Variants in MYMX observed in about 807,000 individuals in gnomAD.
MYMX encodes the protein protein myomixer.
At chr6:44,194,529 T>G in the MYMX span, among the ~76,000 whole-genome samples, 2 of 152,116 alleles carry the variant, frequency 1.3e-5, no homozygotes, top group African/African-American at 4.8e-5. Flanking sequence ...CCTGTTCCAC[T>G]CCCTTGATGG....
In MYMX at chr6:44,218,052, A is replaced by C; in HGVS notation, c.*326A>C. On this transcript the variant is annotated 3_prime_UTR_variant, in exon 2 of 2. Transcript: ENST00000573382. ...TGCCCTCCCTGCAAATGGGAACATC[A>C]AGGTTCCCAGTGCTTAACTGAGGGA... is the stretch of plus-strand genomic sequence containing the variant. 1 of 229,874 alleles carries C rather than the reference A, an allele frequency of 4.4e-6. No individual in the cohort carries two copies. The allele number at this position is 229,874 out of a possible 1,614,324, so 14.2% of individuals were successfully genotyped here.
chr6:44,211,823 T>TGTGTGTGTGTG, the MYMX span, among the ~76,000 whole-genome samples: 33 of 150,582 alleles, frequency 2.2e-4, no homozygotes, highest in South Asian at 6.3e-4. Flanking sequence ...TGTGTGTGTG[T>TGTGTGTGTGTG]TTAGTAGAGA....
upstream of MYMX, among the ~76,000 whole-genome samples, chr6:44,212,177 G>A (rs964855034): frequency 2.6e-5 from 4 of 151,932 alleles, no homozygotes; most frequent in Non-Finnish European, 4.4e-5. Context: ...GGGCTGAGGC[G>A]GGAGGGTCAC....
the MYMX span, among the ~76,000 whole-genome samples, chr6:44,194,300 A>G: frequency 6.6e-6 from 1 of 152,090 alleles, no homozygotes; most frequent in African/African-American, 2.4e-5. Flanking sequence ...TATTTCCAGA[A>G]CTCTCTTATT....
chr6:44,202,442 TC>T, the MYMX span, among the ~76,000 whole-genome samples: 1 of 151,480 alleles, frequency 6.6e-6, no homozygotes, highest in Non-Finnish European at 1.5e-5. Context: ...TTTTTTTTTT[TC>T]AATTGACCTT....
At position 44,217,805 on chromosome 6, in the gene MYMX, G is replaced by A. The variant is rs563710094; in HGVS notation, c.*79G>A. On this transcript the variant is annotated 3_prime_UTR_variant, in exon 2 of 2. Coordinates refer to ENST00000573382, the MANE Select transcript of MYMX (RefSeq NM_001315494.2). ...GATAATCCTGGCACCAGCACTGACC[G>A]AAGCCTGCCCAGTGGACAGAAGATA... The A allele has an allele frequency of 4.0e-5, 16 of 400,456 alleles. No individual in the cohort carries two copies. Among genetic ancestry groups the A allele is most frequent in the Non-Finnish European group, 6.2e-5 (14 of 226,274 alleles). 24.8% of individuals were successfully genotyped at this position (400,456 alleles called of 1,614,324 possible). A position where few individuals can be genotyped will look rare whatever the true frequency, so the allele number is the denominator to read the frequency against.
chr6:44,210,271 ATGTTT>A, the MYMX span, among the ~76,000 whole-genome samples: 16 of 148,792 alleles, frequency 1.1e-4, no homozygotes, highest in African/African-American at 1.5e-4. Context: ...AACAGTAATC[ATGTTT>A]TGTTTTGTTT....
At chr6:44,202,688 G>A in the MYMX span, among the ~76,000 whole-genome samples, 1 of 152,144 alleles carries the variant, frequency 6.6e-6, no homozygotes. Context: ...AGGCAAGGGA[G>A]GTGGGGTGGA....
chr6:44,207,625 C>T, the MYMX span, among the ~76,000 whole-genome samples: 2 of 152,112 alleles, frequency 1.3e-5, no homozygotes, highest in South Asian at 2.1e-4. Flanking sequence ...CTCCACCTCC[C>T]GGGTTCAAGC....
chr6:44,193,045 G>A, the MYMX span, among the ~76,000 whole-genome samples: 1 of 152,082 alleles, frequency 6.6e-6, no homozygotes, highest in African/African-American at 2.4e-5. Context: ...CAGGTCTGAT[G>A]CACAAACTTT....
At chr6:44,194,404 A>C in the MYMX span, among the ~76,000 whole-genome samples, 1 of 152,152 alleles carries the variant, frequency 6.6e-6, no homozygotes, top group Admixed American at 6.5e-5. Flanking sequence ...TGATAAGCAG[A>C]GCTCCGCTGG....
the MYMX span, among the ~76,000 whole-genome samples, chr6:44,195,028 A>T: frequency 6.6e-5 from 10 of 151,516 alleles, no homozygotes; most frequent in African/African-American, 2.2e-4. Context: ...TATTATTATT[A>T]TTTTTAAGAC....
the MYMX span, among the ~76,000 whole-genome samples, chr6:44,207,897 G>T: frequency 6.6e-6 from 1 of 152,064 alleles, no homozygotes; most frequent in African/African-American, 2.4e-5. Context: ...TTATTGGTTC[G>T]AGTCACTTCT....
chr6:44,214,159 C>A (rs1487438688), upstream of MYMX, among the ~76,000 whole-genome samples: 1 of 152,080 alleles, frequency 6.6e-6, no homozygotes, highest in Admixed American at 6.6e-5. Context: ...ATCATTCAGG[C>A]CACTGTGTGG....
chr6:44,213,580 C>G (rs924646988), upstream of MYMX, among the ~76,000 whole-genome samples: 1 of 151,508 alleles, frequency 6.6e-6, no homozygotes, highest in Non-Finnish European at 1.5e-5. Flanking sequence ...TGCCACCACG[C>G]CCAGCTAATT....
chr6:44,196,134 G>C, the MYMX span, among the ~76,000 whole-genome samples: 4 of 152,026 alleles, frequency 2.6e-5, no homozygotes, highest in South Asian at 2.1e-4. Context: ...GTAGAGACAG[G>C]GTTTCACTAT....
the MYMX span, among the ~76,000 whole-genome samples, chr6:44,201,224 GT>G: frequency 6.6e-6 from 1 of 152,156 alleles, no homozygotes; most frequent in Non-Finnish European, 1.5e-5. Context: ...CAGGTAGGTG[GT>G]TTCTGGCCTG....
the MYMX span, among the ~76,000 whole-genome samples, chr6:44,195,072 G>A: frequency 6.6e-6 from 1 of 151,936 alleles, no homozygotes; most frequent in Non-Finnish European, 1.5e-5. Flanking sequence ...CTGGAGTGCA[G>A]TGGCACAAGC....
the MYMX span, among the ~76,000 whole-genome samples, chr6:44,196,587 G>A: frequency 1.3e-5 from 2 of 152,140 alleles, no homozygotes; most frequent in African/African-American, 4.8e-5. Flanking sequence ...GCTGAGGCAC[G>A]AGAATCACTT....
Sources: gnomAD v4.1 joint callset for allele counts (sites outside exome capture counted in the v4.1 genomes callset) on GRCh38, gnomAD v4.1.1 for gene constraint, MANE v1.5 for transcripts, NCBI Gene and HGNC (gene_info 2026-07-23, HGNC 2026-07-21) for gene names.